The following TRIO variants were observed in gnomAD, a reference collection of about 807,000 sequenced individuals.
The protein encoded by TRIO is triple functional domain protein.
TRIO carries 58 observed loss-of-function variants against 351.9 expected under a neutral mutation model. The ratio of observed to expected loss-of-function variants is 0.16; its 90% CI spans 0.13 to 0.21. TRIO has a LOEUF of 0.21. Ranked by LOEUF, TRIO falls within the 10% of genes least tolerant of loss-of-function variation. The probability of loss-of-function intolerance (pLI) is 1.00; values close to 1 mark genes in which losing one functional copy is unlikely to be tolerated. For missense variants in TRIO, 3,201 were observed against 4,027.8 expected, an observed-to-expected ratio of 0.79 and a Z score of 5.56; for synonymous variants, 1,758 against 1,595.7, an observed-to-expected ratio of 1.10 and a Z score of -2.42.
intron 1 of TRIO, among the ~76,000 whole-genome samples, chr5:14,197,031 T>C (rs1283374413): frequency 6.6e-6 from 1 of 152,226 alleles, no homozygotes; most frequent in African/African-American, 2.4e-5. Flanking sequence ...TGTTATTCTA[T>C]ACTTGTAAAA....
At chr5:14,371,686 G>A (rs1745119332) in intron 18 of TRIO, among the ~76,000 whole-genome samples, 1 of 149,912 alleles carries the variant, frequency 6.7e-6, no homozygotes, top group Admixed American at 6.7e-5. Context: ...TGTCAACCAA[G>A]CTGGAGTGCA....
intron 20 of TRIO, among the ~76,000 whole-genome samples, chr5:14,380,262 G>A (rs1441896000): frequency 6.9e-6 from 1 of 145,038 alleles, no homozygotes; most frequent in Admixed American, 6.9e-5. Context: ...CCCTCTTCCC[G>A]GCGCCCCGCC....
intron 9 of TRIO, among the ~76,000 whole-genome samples, chr5:14,317,212 T>C (rs2152306407): frequency 6.6e-6 from 1 of 152,344 alleles, no homozygotes; most frequent in Non-Finnish European, 1.5e-5. Flanking sequence ...TTTATGACTA[T>C]TCATTTCTAA....
At chr5:14,505,749 G>A (rs1757631115) in intron 55 of TRIO, among the ~76,000 whole-genome samples, 1 of 152,176 alleles carries the variant, frequency 6.6e-6, no homozygotes, top group African/African-American at 2.4e-5. Context: ...GTGACAGTGG[G>A]TGTCTCAGGA....
intron 48 of TRIO, among the ~76,000 whole-genome samples, chr5:14,491,150 T>G (rs1756454531): frequency 6.6e-6 from 1 of 152,212 alleles, no homozygotes; most frequent in Admixed American, 6.5e-5. Flanking sequence ...GCTGGCTTGT[T>G]GGCTTTCTCA....
At chr5:14,222,256 G>T (rs80193593) in intron 1 of TRIO, among the ~76,000 whole-genome samples, 1 of 151,492 alleles carries the variant, frequency 6.6e-6, no homozygotes, top group Admixed American at 6.6e-5. Context: ...ACCATGTAAC[G>T]TATAGTGTAA....
At chr5:14,332,702 A>G (rs1033551895) in intron 10 of TRIO, among the ~76,000 whole-genome samples, 3 of 152,192 alleles carry the variant, frequency 2.0e-5, no homozygotes, top group Non-Finnish European at 4.4e-5. Flanking sequence ...AATACTTCCA[A>G]AATTTACCAA....
chr5:14,498,058 A>G (rs1019250305), intron 51 of TRIO, 31 bp from the exon 52 acceptor site: 2 of 1,613,784 alleles, frequency 1.2e-6, no homozygotes, highest in South Asian at 2.2e-5. Context: ...GCCAGGGCTG[A>G]TGGGCCTTTA....
chr5:14,271,537 C>T (rs969273211), intron 2 of TRIO, among the ~76,000 whole-genome samples: 2 of 152,196 alleles, frequency 1.3e-5, no homozygotes, highest in Non-Finnish European at 2.9e-5. Flanking sequence ...ACATAGTCAG[C>T]GTTAGGCCGT....
rs188292661 is a variant in TRIO, at chr5:14,510,121, C to T, written c.*1699C>T. 1.6e-4 allele frequency: 24 copies of T among 152,296 alleles called. No homozygotes were observed. Among genetic ancestry groups the T allele is most frequent in the Non-Finnish European group, 7.3e-5 (5 of 68,030 alleles). 9.4% of individuals were successfully genotyped at this position (152,296 alleles called of 1,614,324 possible). ...GCATGTATATTTCTTTGTACAGAGA[C>T]CTTACATGTTTACACAGTATGATGT... On this transcript the variant is annotated 3_prime_UTR_variant, in exon 57 of 57. Coordinates refer to ENST00000344204, the MANE Select transcript of TRIO (RefSeq NM_007118.4).
intron 34 of TRIO, among the ~76,000 whole-genome samples, chr5:14,446,394 T>G (rs1229844566): frequency 6.6e-6 from 1 of 152,160 alleles, no homozygotes; most frequent in Non-Finnish European, 1.5e-5. Flanking sequence ...TGTGGTGGTT[T>G]TAGTATGTGA....
At chr5:14,483,022 G>A (rs762053041) in intron 46 of TRIO, among the ~76,000 whole-genome samples, 8 of 152,150 alleles carry the variant, frequency 5.3e-5, no homozygotes, top group Non-Finnish European at 1.0e-4. Flanking sequence ...AACTGGTCAT[G>A]GGTAGTGTTT....
At chr5:14,487,438 G>T (rs777746523) in intron 47 of TRIO, 26 bp from the exon 48 acceptor site, 1 of 1,097,082 alleles carries the variant, frequency 9.1e-7, no homozygotes, top group South Asian at 3.4e-5. Context: ...CCCTGACCCA[G>T]TCTCTCCCGC....
chr5:14,291,404 G>A (rs529301578), intron 5 of TRIO, among the ~76,000 whole-genome samples, 176 bp downstream of exon 5: 39 of 151,992 alleles, frequency 2.6e-4, no homozygotes, highest in Admixed American at 4.6e-4. Flanking sequence ...GGTTTTACTC[G>A]TTGTGCAATA....
chr5:14,494,117 C>A (rs1756699713), intron 49 of TRIO, among the ~76,000 whole-genome samples: 1 of 152,212 alleles, frequency 6.6e-6, no homozygotes, highest in South Asian at 2.1e-4. Context: ...AACCCAGTCG[C>A]ATTTATTTAC....
chr5:14,186,403 A>C (rs531105759), intron 1 of TRIO, among the ~76,000 whole-genome samples: 5 of 152,206 alleles, frequency 3.3e-5, no homozygotes, highest in African/African-American at 1.2e-4. Flanking sequence ...CTAAATTTGG[A>C]CTCATTGGAA....
intron 1 of TRIO, among the ~76,000 whole-genome samples, chr5:14,163,175 C>T (rs1041363268): frequency 6.6e-6 from 1 of 152,118 alleles, no homozygotes; most frequent in African/African-American, 2.4e-5. Flanking sequence ...TGCCCCCCAT[C>T]CCTGGACAGG....
At chr5:14,498,784 G>GT (rs1757076867) in intron 53 of TRIO, 144 bp downstream of exon 53, 5 of 1,282,810 alleles carry the variant, frequency 3.9e-6, no homozygotes, top group South Asian at 2.8e-5. Context: ...AAAGACAGTT[G>GT]TAAGTAGCAG....
chr5:14,434,329 C>T (rs1187064675), intron 34 of TRIO, among the ~76,000 whole-genome samples: 9 of 152,008 alleles, frequency 5.9e-5, no homozygotes, highest in Admixed American at 5.9e-4. Flanking sequence ...ACATTTTTTT[C>T]GATAATCATA....
Sources: allele counts gnomAD v4.1 joint callset (sites outside exome capture counted in the v4.1 genomes callset), GRCh38; gene constraint gnomAD v4.1.1; transcripts MANE v1.5; gene names NCBI Gene and HGNC (gene_info 2026-07-23, HGNC 2026-07-21).